NRG3: variants seen among roughly 807,000 people sequenced by gnomAD.
NRG3 encodes neuregulin 3, also known as pro-neuregulin-3, membrane-bound isoform.
In NRG3, 31 loss-of-function variants were observed where a neutral mutation model predicts 66.9. The observed-to-expected ratio is 0.46, with a 90% CI of 0.35 to 0.63. The LOEUF is 0.63. Ranked by LOEUF, NRG3 falls within the 20% of genes least tolerant of loss-of-function variation. The probability of loss-of-function intolerance (pLI) is 0.00; values close to 1 mark genes in which losing one functional copy is unlikely to be tolerated. For synonymous variants in NRG3, 393 were observed against 359.4 expected (o/e 1.09, Z -1.06); for missense variants, 910 against 878.9 (o/e 1.04, Z -0.45).
chr10:82,527,549 G>A (rs572057711), intron 2 of NRG3, among the ~76,000 whole-genome samples: 81 of 152,088 alleles, frequency 5.3e-4, no homozygotes, highest in Non-Finnish European at 9.4e-4. Flanking sequence ...CAAATAAGAA[G>A]ATTTTTAAAA....
At chr10:82,452,730 A>G (rs1206631524) in intron 2 of NRG3, among the ~76,000 whole-genome samples, 2 of 152,094 alleles carry the variant, frequency 1.3e-5, no homozygotes. Flanking sequence ...TATATTAGAT[A>G]TAGTCATGTG....
intron 2 of NRG3, among the ~76,000 whole-genome samples, chr10:82,701,183 T>A (rs2055848338): frequency 6.6e-6 from 1 of 152,120 alleles, no homozygotes; most frequent in African/African-American, 2.4e-5. Context: ...CTAGTATGAG[T>A]CATTAAACCA....
intron 1 of NRG3, among the ~76,000 whole-genome samples, chr10:81,894,656 A>G (rs544473752): frequency 2.0e-5 from 3 of 152,252 alleles, no homozygotes; most frequent in African/African-American, 7.2e-5. Context: ...AACAGTCTAG[A>G]GGTCTTAAAT....
chr10:82,301,249 AT>A (rs1564768405), intron 1 of NRG3, among the ~76,000 whole-genome samples: 1 of 152,150 alleles, frequency 6.6e-6, no homozygotes, highest in Non-Finnish European at 1.5e-5. Flanking sequence ...TATAATTTCC[AT>A]TTTGATTTCC....
chr10:82,216,194 T>G (rs1309938742), intron 1 of NRG3, among the ~76,000 whole-genome samples: 1 of 151,984 alleles, frequency 6.6e-6, no homozygotes, highest in Non-Finnish European at 1.5e-5. Context: ...TTGGCCAGGC[T>G]GGTCTTGAAC....
chr10:82,360,763 G>A (rs1029191125), intron 2 of NRG3, among the ~76,000 whole-genome samples: 1 of 152,004 alleles, frequency 6.6e-6, no homozygotes, highest in Non-Finnish European at 1.5e-5. Context: ...TTCCTTTTGA[G>A]GCCTCCCTCC....
chr10:81,962,267 A>G (rs1463958213), intron 1 of NRG3, among the ~76,000 whole-genome samples: 2 of 152,242 alleles, frequency 1.3e-5, no homozygotes, highest in African/African-American at 4.8e-5. Context: ...TTGGTTATTA[A>G]ATGAACTATA....
chr10:82,377,803 AT>A (rs977759655), intron 2 of NRG3, among the ~76,000 whole-genome samples: 2 of 152,196 alleles, frequency 1.3e-5, no homozygotes, highest in Non-Finnish European at 2.9e-5. Flanking sequence ...GGTGTGTCGT[AT>A]AATCCTGGGA....
At chr10:82,113,838 TTTAGAAAGTCAAA>T (rs1486915248) in intron 1 of NRG3, among the ~76,000 whole-genome samples, 2 of 152,198 alleles carry the variant, frequency 1.3e-5, no homozygotes, top group Non-Finnish European at 2.9e-5. Context: ...TACAGTTCTA[TTTAGAAAGTCAAA>T]TCAACAGATA....
At chr10:82,007,248 C>T (rs1283602950) in intron 1 of NRG3, among the ~76,000 whole-genome samples, 16 of 134,952 alleles carry the variant, frequency 1.2e-4, no homozygotes, top group Admixed American at 2.6e-4. Context: ...CTTGCACTGT[C>T]GCCCAGGTTG....
At chr10:82,950,733 T>C (rs1821461643) in intron 4 of NRG3, among the ~76,000 whole-genome samples, 1 of 152,222 alleles carries the variant, frequency 6.6e-6, no homozygotes, top group African/African-American at 2.4e-5. Context: ...GTTCTACGGA[T>C]ACAAAGTCTT....
chr10:82,233,385 C>CAAAACA (rs1554855841), intron 1 of NRG3, among the ~76,000 whole-genome samples: 2 of 151,890 alleles, frequency 1.3e-5, no homozygotes, highest in African/African-American at 4.8e-5. Context: ...CAAAACAAAA[C>CAAAACA]AAAAAAAGAA....
chr10:82,619,084 A>G (rs1172591860), intron 2 of NRG3, among the ~76,000 whole-genome samples: 3 of 152,144 alleles, frequency 2.0e-5, no homozygotes, highest in Admixed American at 1.3e-4. Context: ...TTTATCTATC[A>G]TGTTGGGCCA....
chr10:82,350,731 A>G (rs956300807), intron 1 of NRG3, among the ~76,000 whole-genome samples: 2 of 152,186 alleles, frequency 1.3e-5, no homozygotes, highest in Non-Finnish European at 2.9e-5. Flanking sequence ...TGTGGGAAAG[A>G]GACTAGGAAG....
intron 2 of NRG3, among the ~76,000 whole-genome samples, chr10:82,473,037 A>C (rs1400457947): frequency 6.6e-6 from 1 of 152,230 alleles, no homozygotes; most frequent in Non-Finnish European, 1.5e-5. Flanking sequence ...GCCTGCTAAC[A>C]TAACAATATA....
At chr10:82,201,030 T>C (rs142317205) in intron 1 of NRG3, among the ~76,000 whole-genome samples, 1 of 151,824 alleles carries the variant, frequency 6.6e-6, no homozygotes. Flanking sequence ...ACCCCATCTC[T>C]ACTAAAAATA....
intron 2 of NRG3, among the ~76,000 whole-genome samples, chr10:82,697,327 ATGGAAGTGGC>A (rs369078347): frequency 2.3e-4 from 35 of 152,336 alleles, no homozygotes; most frequent in African/African-American, 8.2e-4. Flanking sequence ...ACTGGAAGGA[ATGGAAGTGGC>A]TGTCAAACTG....
At chr10:82,777,058 A>T (rs775319570) in intron 3 of NRG3, among the ~76,000 whole-genome samples, 27 of 151,994 alleles carry the variant, frequency 1.8e-4, no homozygotes, top group Non-Finnish European at 3.5e-4. Flanking sequence ...AATTTTATAG[A>T]TTGTTTTTTG....
chr10:82,221,770 C>T (rs907839099), intron 1 of NRG3, among the ~76,000 whole-genome samples: 1 of 152,164 alleles, frequency 6.6e-6, no homozygotes, highest in Non-Finnish European at 1.5e-5. Flanking sequence ...AGACTCAGGA[C>T]TGTCATGGTC....
Sources: gnomAD v4.1 joint callset for allele counts (sites outside exome capture counted in the v4.1 genomes callset) on GRCh38, gnomAD v4.1.1 for gene constraint, MANE v1.5 for transcripts, NCBI Gene and HGNC (gene_info 2026-07-23, HGNC 2026-07-21) for gene names.